The following TTC29 variants were observed in gnomAD, a reference collection of about 807,000 sequenced individuals.
TTC29 encodes the protein tetratricopeptide repeat protein 29.
A neutral mutation model predicts 58.1 loss-of-function variants in TTC29; 49 were observed. That is an observed-to-expected ratio of 0.84 (90% CI 0.67 to 1.07). The LOEUF (loss-of-function observed/expected upper bound fraction) is 1.07, where lower values mean the gene tolerates loss of function less well. Ranked by LOEUF, TTC29 falls within the 50% of genes least tolerant of loss-of-function variation. TTC29 has a pLI of 0.00. For synonymous variants in TTC29, 209 were observed against 196.8 expected (o/e 1.06, Z -0.52); for missense variants, 582 against 555.6 (o/e 1.05, Z -0.48).
At chr4:146,932,393 A>G (rs1395299190) in intron 4 of TTC29, among the ~76,000 whole-genome samples, 1 of 152,216 alleles carries the variant, frequency 6.6e-6, no homozygotes, top group Admixed American at 6.5e-5. Flanking sequence ...ACCAAAGAGC[A>G]AACTTTTTTA....
intron 6 of TTC29, among the ~76,000 whole-genome samples, chr4:146,887,943 G>GT (rs1370564073): frequency 6.6e-6 from 1 of 151,988 alleles, no homozygotes; most frequent in Non-Finnish European, 1.5e-5. Context: ...TGGAACAATA[G>GT]GGACAAGCAG....
At position 146,737,602 on chromosome 4, in the gene TTC29, G is replaced by GC. The variant is rs923643198; in HGVS notation, c.1331-30052_1331-30051insG. Among the ~76,000 whole-genome samples the GC allele has an allele frequency of 3.5e-4, 49 of 139,018 alleles. No homozygotes were observed. In the East Asian group the frequency reaches 8.0e-3, roughly 23 times the overall value. 91.2% of individuals were successfully genotyped at this position (139,018 alleles called of 152,430 possible). The stretch of plus-strand genomic sequence containing the variant: ...ATGCTAGTAGCCCTGGGGGGGGGGG[G>GC]GCTACAAACGGGTCTTGACAGGAAT... On this transcript the variant is annotated intron_variant, in intron 11 of 12. Coordinates refer to ENST00000325106, the MANE Select transcript of TTC29 (RefSeq NM_031956.4).
chr4:146,898,219 C>T (rs892739055), intron 6 of TTC29, among the ~76,000 whole-genome samples: 5 of 152,120 alleles, frequency 3.3e-5, no homozygotes, highest in African/African-American at 1.2e-4. Context: ...GAGATCAAAA[C>T]GGGAAAGGGG....
intron 11 of TTC29, among the ~76,000 whole-genome samples, chr4:146,729,664 A>T (rs1744183533): frequency 6.6e-6 from 1 of 152,166 alleles, no homozygotes; most frequent in South Asian, 2.1e-4. Context: ...TTAAAAAAAG[A>T]TGTTTAATTA....
intron 11 of TTC29, among the ~76,000 whole-genome samples, chr4:146,769,155 C>T (rs1304590381): frequency 1.3e-5 from 2 of 151,878 alleles, no homozygotes; most frequent in South Asian, 2.1e-4. Flanking sequence ...CTACATATTG[C>T]CCTATAATCT....
intron 6 of TTC29, among the ~76,000 whole-genome samples, chr4:146,876,934 CAAA>C (rs776037799): frequency 3.0e-4 from 18 of 59,184 alleles, no homozygotes; most frequent in Non-Finnish European, 4.4e-4. Flanking sequence ...GACTCCATCT[CAAA>C]AAAAAAAAAA....
intron 4 of TTC29, among the ~76,000 whole-genome samples, chr4:146,911,706 C>T (rs539774842): frequency 2.0e-5 from 3 of 152,274 alleles, no homozygotes; most frequent in East Asian, 1.9e-4. Flanking sequence ...CAGCTTCAGA[C>T]ATTAGGTCTA....
At chr4:146,914,880 C>T (rs1271735175) in intron 4 of TTC29, among the ~76,000 whole-genome samples, 1 of 152,112 alleles carries the variant, frequency 6.6e-6, no homozygotes, top group African/African-American at 2.4e-5. Flanking sequence ...TATGGCATAA[C>T]TCCACAGCAG....
At chr4:146,724,422 T>G (rs1178006857) in intron 11 of TTC29, among the ~76,000 whole-genome samples, 1 of 152,244 alleles carries the variant, frequency 6.6e-6, no homozygotes, top group Non-Finnish European at 1.5e-5. Context: ...CTGATTTTCC[T>G]CTTGAATATA....
intron 4 of TTC29, among the ~76,000 whole-genome samples, chr4:146,925,112 G>C (rs1734838761): frequency 6.6e-6 from 1 of 151,940 alleles, no homozygotes; most frequent in African/African-American, 2.4e-5. Flanking sequence ...GTTAAAATTT[G>C]TTTTATGGCC....
intron 11 of TTC29, among the ~76,000 whole-genome samples, chr4:146,778,171 T>C (rs1748255778): frequency 1.3e-5 from 2 of 151,350 alleles, no homozygotes; most frequent in African/African-American, 4.9e-5. Flanking sequence ...TTTCTCTGTC[T>C]ATCCTGTTAT....
chr4:146,868,482 A>T (rs1209844113), intron 7 of TTC29, among the ~76,000 whole-genome samples: 2 of 152,160 alleles, frequency 1.3e-5, no homozygotes. Context: ...TTCTTTACTA[A>T]TCACTGGTAA....
At chr4:146,776,046 T>C (rs1748069102) in intron 11 of TTC29, among the ~76,000 whole-genome samples, 1 of 152,248 alleles carries the variant, frequency 6.6e-6, no homozygotes. Flanking sequence ...GTCTTCGAGC[T>C]CTGAGCTTCT....
intron 11 of TTC29, among the ~76,000 whole-genome samples, chr4:146,755,532 T>C (rs1229317924): frequency 6.6e-6 from 1 of 152,082 alleles, no homozygotes; most frequent in African/African-American, 2.4e-5. Flanking sequence ...AAATTAGAGA[T>C]CTAATGTACC....
intron 11 of TTC29, among the ~76,000 whole-genome samples, chr4:146,710,242 T>A (rs1742382515): frequency 1.3e-5 from 2 of 152,256 alleles, no homozygotes; most frequent in African/African-American, 4.8e-5. Context: ...TACTATAGCG[T>A]ATTACTTCTG....
chr4:146,872,948 G>T (rs899984452), intron 7 of TTC29, among the ~76,000 whole-genome samples: 1 of 152,036 alleles, frequency 6.6e-6, no homozygotes, highest in East Asian at 1.9e-4. Flanking sequence ...ATAGGCAAAA[G>T]GTGGAAACAA....
chr4:146,881,932 C>T (rs1254452634), intron 6 of TTC29, among the ~76,000 whole-genome samples: 2 of 152,038 alleles, frequency 1.3e-5, no homozygotes, highest in Admixed American at 6.6e-5. Flanking sequence ...ATATAAGATG[C>T]TAGTTTAAAA....
chr4:146,797,622 T>A (rs1007646033), intron 11 of TTC29, among the ~76,000 whole-genome samples: 1 of 151,804 alleles, frequency 6.6e-6, no homozygotes, highest in Admixed American at 6.6e-5. Context: ...GTTTGTCCTG[T>A]CTCTGTATGT....
intron 10 of TTC29, among the ~76,000 whole-genome samples, chr4:146,811,835 A>C (rs944566186): frequency 2.0e-5 from 3 of 152,200 alleles, no homozygotes; most frequent in African/African-American, 7.2e-5. Context: ...TAGAAACAGG[A>C]AGAGCACATA....
Sources: gnomAD v4.1 joint callset for allele counts (sites outside exome capture counted in the v4.1 genomes callset) on GRCh38, gnomAD v4.1.1 for gene constraint, MANE v1.5 for transcripts, NCBI Gene and HGNC (gene_info 2026-07-23, HGNC 2026-07-21) for gene names.